The following MASP1 variants were observed in gnomAD, a reference collection of about 807,000 sequenced individuals.
MASP1 encodes mannan-binding lectin serine protease 1.
MASP1 carries 59 observed loss-of-function variants against 77.1 expected under a neutral mutation model. That is an observed-to-expected ratio of 0.77 (90% CI 0.62 to 0.95). The LOEUF is 0.95. Among genes scored for constraint, MASP1 ranks in the 40% least tolerant of loss-of-function variants. MASP1 has a pLI of 0.00. For missense variants in MASP1, 885 were observed against 912.9 expected, an observed-to-expected ratio of 0.97 and a Z score of 0.39; for synonymous variants, 362 against 354.5, an observed-to-expected ratio of 1.02 and a Z score of -0.24.
At chr3:187,231,753 C>A (rs1226630312), downstream of MASP1, among the ~76,000 whole-genome samples, 1 of 152,216 alleles carries the variant, frequency 6.6e-6, no homozygotes, top group Non-Finnish European at 1.5e-5. Flanking sequence ...AAGCAGAAAC[C>A]AAAGTCTGGT....
intron 4 of MASP1, among the ~76,000 whole-genome samples, chr3:187,257,952 T>C (rs1231334953): frequency 6.6e-6 from 1 of 152,122 alleles, no homozygotes; most frequent in African/African-American, 2.4e-5. Flanking sequence ...CTGACCAACA[T>C]TAATGTTAAA....
chr3:187,271,032 A>G (rs535901617), intron 2 of MASP1, among the ~76,000 whole-genome samples: 4 of 152,382 alleles, frequency 2.6e-5, no homozygotes, highest in African/African-American at 9.6e-5. Context: ...ACAGCAATAG[A>G]TAACTTTTAT....
chr3:187,262,420 C>T (rs950070680), intron 3 of MASP1, 123 bp downstream of exon 3: 1 of 909,980 alleles, frequency 1.1e-6, no homozygotes, highest in Admixed American at 1.9e-5. Flanking sequence ...TGCATTAAGA[C>T]ATTAATGGTA....
chr3:187,247,814 A>G (rs1367985854), intron 8 of MASP1, among the ~76,000 whole-genome samples: 1 of 151,534 alleles, frequency 6.6e-6, no homozygotes, highest in Non-Finnish European at 1.5e-5. Context: ...CACAGAGTGC[A>G]CCCCTCTTGT....
chr3:187,287,304 C>T (rs553008974), intron 1 of MASP1, among the ~76,000 whole-genome samples: 21 of 152,304 alleles, frequency 1.4e-4, no homozygotes, highest in Admixed American at 2.6e-4. Flanking sequence ...CCCTTCCATT[C>T]CAGCCTCATT....
At chr3:187,252,706 G>T (rs1714718349) in intron 6 of MASP1, among the ~76,000 whole-genome samples, 3 of 152,116 alleles carry the variant, frequency 2.0e-5, no homozygotes. Context: ...TGACTTGGGG[G>T]ATGGGGGCAT....
chr3:187,289,528 T>A (rs373832093), intron 1 of MASP1, among the ~76,000 whole-genome samples: 2 of 152,142 alleles, frequency 1.3e-5, no homozygotes, highest in East Asian at 1.9e-4. Context: ...AAGCAATTAA[T>A]CCTGTGAAAA....
chr3:187,234,154 G>C lies in MASP1; in HGVS notation c.*1530C>G. ...AGCAACAATGCAGAGGCCCTTTACA[G>C]AATGGTGAAGCATATGATATAAAAG... On this transcript the variant is annotated 3_prime_UTR_variant, in exon 11 of 11. Coordinates refer to ENST00000296280, the MANE Select transcript of MASP1 (RefSeq NM_139125.4). 7.8e-7 allele frequency: 1 copy of C among 1,287,236 alleles called. No homozygotes were observed. The allele number at this position is 1,287,236 out of a possible 1,614,324, so 79.7% of individuals were successfully genotyped here. A position where few individuals can be genotyped will look rare whatever the true frequency, so the allele number is the denominator to read the frequency against.
chr3:187,229,957 C>A, downstream of MASP1: 1 of 1,595,180 alleles, frequency 6.3e-7, no homozygotes, highest in Non-Finnish European at 8.6e-7. Flanking sequence ...TTGCCCACTG[C>A]CAGAGCTCCC....
chr3:187,259,808 G>A (rs899739162), intron 4 of MASP1, among the ~76,000 whole-genome samples: 1 of 152,100 alleles, frequency 6.6e-6, no homozygotes, highest in South Asian at 2.1e-4. Context: ...CCAGACTTGT[G>A]CTCCCCCAGT....
In MASP1 at chr3:187,247,480, A is replaced by G. The variant is rs3774275; in HGVS notation, c.1090+2771T>C. 405,347 of 1,408,818 alleles carry G rather than the reference A, an allele frequency of 0.29. 62,031 individuals are homozygous for G. The highest frequency in any genetic ancestry group is 0.38 in the East Asian group (16,425 of 43,798). 87.3% of individuals were successfully genotyped at this position (1,408,818 alleles called of 1,614,324 possible). A position where few individuals can be genotyped will look rare whatever the true frequency, so the allele number is the denominator to read the frequency against. On this transcript the variant is annotated intron_variant, in intron 8 of 10. Coordinates refer to ENST00000296280, the MANE Select transcript of MASP1 (RefSeq NM_139125.4). Reference sequence around the variant, plus strand: ...AGAGAGAGAGATTAGCAAGCAAAGCAGAAACAGTTTATGCAGGAAATACAG... The same window carrying G: ...AGAGAGAGAGATTAGCAAGCAAAGCGGAAACAGTTTATGCAGGAAATACAG...
chr3:187,219,935 C>T, exon 16 of MASP1: 1 of 843,614 alleles, frequency 1.2e-6, no homozygotes, highest in Non-Finnish European at 2.0e-6. Context: ...AAGATACCTG[C>T]TCTATTGCCC....
At position 187,225,418 on chromosome 3, in the gene MASP1, G is replaced by A. The variant is rs72549170; in HGVS notation, c.1647C>T (p.Phe549=). The A allele has an allele frequency of 2.3e-3, 3,785 of 1,614,216 alleles. 64 individuals are homozygous for A. The African/African-American group carries it at 0.04, about 17-fold the overall frequency. The change falls in exon 13 of 16, where the codon TTC becomes TTT. Residue 549 remains phenylalanine (F), a synonymous_variant. Transcript: ENST00000337774. ...GCTCCACCAGAGCCACGTCATTCTC[G>A]AATGTGTTGGGATCATACTGGGGGT...
chr3:187,227,292 G>A (rs945886154), intron 11 of MASP1, among the ~76,000 whole-genome samples: 6 of 152,210 alleles, frequency 3.9e-5, no homozygotes, highest in African/African-American at 1.4e-4. Context: ...CACCCAGCAG[G>A]TTGGTTTCAG....
At chr3:187,225,320 G>T in intron 13 of MASP1, 1 of 1,612,734 alleles carries the variant, frequency 6.2e-7, no homozygotes, top group Non-Finnish European at 8.5e-7. Flanking sequence ...GTAGGGGAAA[G>T]TACCTTCCTG....
intron 1 of MASP1, 100 bp downstream of exon 1, chr3:187,291,528 G>A: frequency 1.3e-6 from 2 of 1,483,024 alleles, no homozygotes; most frequent in East Asian, 4.5e-5. Context: ...CCACATGCAG[G>A]ACACGCAGGT....
intron 1 of MASP1, 166 bp from the exon 2 acceptor site, chr3:187,286,222 T>G (rs889747453): frequency 5.2e-5 from 34 of 649,424 alleles, no homozygotes; most frequent in African/African-American, 5.1e-4. Context: ...TATGGGAATA[T>G]AGTAACTAGA....
At chr3:187,291,549 G>T in intron 1 of MASP1, 79 bp downstream of exon 1, 1 of 1,575,634 alleles carries the variant, frequency 6.3e-7, no homozygotes, top group Non-Finnish European at 8.7e-7. Context: ...GAGTCTGTCA[G>T]TGACAAGGTC....
At chr3:187,221,917 A>G (rs1484209155) in intron 14 of MASP1, among the ~76,000 whole-genome samples, 1 of 152,200 alleles carries the variant, frequency 6.6e-6, no homozygotes, top group African/African-American at 2.4e-5. Flanking sequence ...GTTGGAGTAG[A>G]TGTCTGGAAT....
Sources: allele counts gnomAD v4.1 joint callset (sites outside exome capture counted in the v4.1 genomes callset), GRCh38; gene constraint gnomAD v4.1.1; transcripts MANE v1.5; gene names NCBI Gene and HGNC (gene_info 2026-07-23, HGNC 2026-07-21).